The following MICAL2 variants were observed in gnomAD, a reference collection of about 807,000 sequenced individuals.
MICAL2 encodes microtubule associated monooxygenase, calponin and LIM domain containing 2, also known as [F-actin]-monooxygenase MICAL2.
MICAL2 carries 77 observed loss-of-function variants against 127.3 expected under a neutral mutation model. The observed-to-expected ratio is 0.60, with a 90% CI of 0.50 to 0.73. MICAL2 has a LOEUF of 0.73. MICAL2 is among the 30% of genes least tolerant of loss of function. The pLI is 0.00. For missense variants in MICAL2, 1,351 were observed against 1,434.4 expected (o/e 0.94, Z 0.94); for synonymous variants, 570 against 551.1 (o/e 1.03, Z -0.48).
intron 21 of MICAL2, among the ~76,000 whole-genome samples, chr11:12,247,254 C>A (rs767956464): frequency 4.5e-4 from 69 of 152,322 alleles, no homozygotes; most frequent in Non-Finnish European, 7.9e-4. Context: ...GGTGGCCAAC[C>A]CCAGATCTGC....
intron 31 of MICAL2, among the ~76,000 whole-genome samples, chr11:12,325,711 A>T (rs1864346904): frequency 6.6e-6 from 1 of 152,170 alleles, no homozygotes; most frequent in African/African-American, 2.4e-5. Context: ...TTAGGGCCCC[A>T]GCCCTATGAC....
chr11:12,284,185 G>A (rs1241926819), intron 2 of MICAL2, among the ~76,000 whole-genome samples: 1 of 152,140 alleles, frequency 6.6e-6, no homozygotes, highest in Admixed American at 6.5e-5. Context: ...AACCTGCCCC[G>A]AATTATTCTG....
At chr11:12,289,192 G>A (rs1424311132), downstream of MICAL2, among the ~76,000 whole-genome samples, 2 of 152,376 alleles carry the variant, frequency 1.3e-5, no homozygotes, top group Admixed American at 6.5e-5. Context: ...AGGCAGCCTG[G>A]ATGCTGAAAC....
Position 12,204,470 on chromosome 11 carries a change from T to C in MICAL2, c.472+13T>C, listed in dbSNP as rs1644165092. 1 of 1,612,530 alleles carries C rather than the reference T, an allele frequency of 6.2e-7. No individual in the cohort carries two copies. Among genetic ancestry groups the C allele is most frequent in the Middle Eastern group, 1.6e-4 (1 of 6,080 alleles). On this transcript the variant is annotated intron_variant, in intron 4 of 27. Transcript: ENST00000683283. Reference sequence around the variant, plus strand: ...ATCGACCATATCAGTGAGTGGAGTCTATGGTGATATCCCATGAAGGGAGGG... The same window carrying C: ...ATCGACCATATCAGTGAGTGGAGTCCATGGTGATATCCCATGAAGGGAGGG...
intron 3 of MICAL2, among the ~76,000 whole-genome samples, chr11:12,182,584 A>T (rs533604540): frequency 5.6e-4 from 85 of 152,290 alleles, no homozygotes; most frequent in Non-Finnish European, 1.1e-3. Flanking sequence ...CTTGTGTGAT[A>T]TGAGAGATTT....
chr11:12,265,812 T>C (rs887903416), downstream of MICAL2, among the ~76,000 whole-genome samples: 7 of 152,118 alleles, frequency 4.6e-5, no homozygotes, highest in African/African-American at 1.7e-4. Context: ...TTAAAGGAAG[T>C]AAATTAATTA....
intron 32 of MICAL2, among the ~76,000 whole-genome samples, chr11:12,341,147 C>A (rs1041465049): frequency 4.6e-5 from 7 of 152,158 alleles, no homozygotes; most frequent in African/African-American, 1.7e-4. Flanking sequence ...GACCAGAGAA[C>A]AAAAGACAGG....
intron 7 of MICAL2, among the ~76,000 whole-genome samples, chr11:12,214,291 A>C (rs574202543): frequency 6.6e-6 from 1 of 152,292 alleles, no homozygotes; most frequent in African/African-American, 2.4e-5. Context: ...GTTAAATAAA[A>C]TCTGTATATG....
At chr11:12,335,580 G>C (rs930784028) in intron 32 of MICAL2, among the ~76,000 whole-genome samples, 1 of 152,070 alleles carries the variant, frequency 6.6e-6, no homozygotes, top group African/African-American at 2.4e-5. Flanking sequence ...GGTTTTTATG[G>C]TTTTAGGTCT....
intron 3 of MICAL2, among the ~76,000 whole-genome samples, chr11:12,163,165 G>A (rs563212510): frequency 2.0e-5 from 3 of 152,282 alleles, no homozygotes; most frequent in East Asian, 1.9e-4. Context: ...GCCATAGACA[G>A]CATCGGCGAA....
At chr11:12,118,418 G>T (rs1850221921) in intron 1 of MICAL2, among the ~76,000 whole-genome samples, 1 of 152,180 alleles carries the variant, frequency 6.6e-6, no homozygotes, top group Non-Finnish European at 1.5e-5. Context: ...GCATGTCCTG[G>T]TGCCTGTTCC....
chr11:12,118,210 C>T (rs1024900644), intron 1 of MICAL2, among the ~76,000 whole-genome samples: 2 of 152,196 alleles, frequency 1.3e-5, no homozygotes, highest in Non-Finnish European at 2.9e-5. Context: ...GTGTGTGGTA[C>T]TCATCCCACA....
At chr11:12,232,591 G>A (rs1369806407) in intron 15 of MICAL2, among the ~76,000 whole-genome samples, 6 of 152,138 alleles carry the variant, frequency 3.9e-5, no homozygotes, top group African/African-American at 7.2e-5. Flanking sequence ...GCGTGGTGGT[G>A]CACACCAGTA....
intron 34 of MICAL2, among the ~76,000 whole-genome samples, chr11:12,357,650 A>G (rs1247800684): frequency 6.6e-6 from 1 of 152,140 alleles, no homozygotes; most frequent in Non-Finnish European, 1.5e-5. Context: ...CACCCTGGCC[A>G]ACATGGTGAA....
chr11:12,180,921 C>CTTTTTTTTTTTTTT (rs56946936), intron 3 of MICAL2, among the ~76,000 whole-genome samples: 1 of 82,474 alleles, frequency 1.2e-5, no homozygotes, highest in Non-Finnish European at 2.5e-5. Flanking sequence ...TATTTTCCTT[C>CTTTTTTTTTTTTTT]TTTTTTTTTT....
intron 32 of MICAL2, among the ~76,000 whole-genome samples, chr11:12,331,121 C>T (rs1453058019): frequency 6.6e-6 from 1 of 152,100 alleles, no homozygotes; most frequent in East Asian, 1.9e-4. Context: ...GCACTGTTAC[C>T]TACTGGCTTG....
chr11:12,326,279 C>A (rs1864352639), intron 31 of MICAL2, among the ~76,000 whole-genome samples: 1 of 152,176 alleles, frequency 6.6e-6, no homozygotes, highest in African/African-American at 2.4e-5. Flanking sequence ...CTGCCAGGTG[C>A]AAAGTCTGTT....
rs58279390 is a variant in MICAL2, at chr11:12,133,512, G to A, written c.-148-4878G>A. Among the ~76,000 whole-genome samples, 10 of 152,258 alleles carry A rather than the reference G, an allele frequency of 6.6e-5. No individual in the cohort carries two copies. In the East Asian group the frequency reaches 1.9e-3, roughly 29 times the overall value. ...TCATCTTTGGGTGCTGGTCCAGAAA[G>A]TAGTGAGTAAGTGAGACAAGCAACG... is the stretch of plus-strand genomic sequence containing the variant. On this transcript the variant is annotated intron_variant, in intron 1 of 27. Transcript: ENST00000683283.
Position 12,242,948 on chromosome 11 carries a change from C to T in MICAL2, c.2658+176C>T, listed in dbSNP as rs77249141. 2,239 of 486,658 alleles carry T rather than the reference C, an allele frequency of 4.6e-3. 50 individuals are homozygous for T. Among genetic ancestry groups the T allele is most frequent in the African/African-American group, 0.042 (2,047 of 48,988 alleles). The allele number at this position is 486,658 out of a possible 1,614,324, so 30.1% of individuals were successfully genotyped here. A position where few individuals can be genotyped will look rare whatever the true frequency, so the allele number is the denominator to read the frequency against. ...CTGGCATCTAGAAAAGACCCAAATGCGAAGATTCAAAATAAATAAATACAT... is the reference window on the plus strand; with the variant it reads ...CTGGCATCTAGAAAAGACCCAAATGTGAAGATTCAAAATAAATAAATACAT... On this transcript the variant is annotated intron_variant, in intron 20 of 27. Transcript: ENST00000683283.
Sources: gnomAD v4.1 joint callset for allele counts (sites outside exome capture counted in the v4.1 genomes callset) on GRCh38, gnomAD v4.1.1 for gene constraint, MANE v1.5 for transcripts, NCBI Gene and HGNC (gene_info 2026-07-23, HGNC 2026-07-21) for gene names.